The following PLXNA4 variants were observed in gnomAD, a reference collection of about 807,000 sequenced individuals.
PLXNA4 encodes plexin-A4.
Under a neutral mutation model 191.8 loss-of-function variants are expected in PLXNA4, and 44 were observed. That is an observed-to-expected ratio of 0.23 (90% CI 0.18 to 0.29). The LOEUF (loss-of-function observed/expected upper bound fraction) is 0.29. Ranked by LOEUF, PLXNA4 falls within the 10% of genes least tolerant of loss-of-function variation. The probability of loss-of-function intolerance (pLI) is 1.00; values close to 1 mark genes in which losing one functional copy is unlikely to be tolerated. For synonymous variants in PLXNA4, 1,082 were observed against 1,009.5 expected, an observed-to-expected ratio of 1.07 and a Z score of -1.36; for missense variants, 1,800 against 2,488.8, an observed-to-expected ratio of 0.72 and a Z score of 5.89.
chr7:132,608,556 G>A (rs1802986929), intron 2 of PLXNA4, among the ~76,000 whole-genome samples: 2 of 152,198 alleles, frequency 1.3e-5, no homozygotes, highest in African/African-American at 2.4e-5. Flanking sequence ...AAAGTCATAA[G>A]GCATTCACCC....
chr7:132,546,770 C>G (rs1288724110), intron 1 of PLXNA4, among the ~76,000 whole-genome samples: 1 of 152,216 alleles, frequency 6.6e-6, no homozygotes, highest in African/African-American at 2.4e-5. Context: ...CATCCCCACC[C>G]TTGCTCCTAA....
At chr7:132,394,411 G>T (rs544471999) in intron 3 of PLXNA4, among the ~76,000 whole-genome samples, 3 of 152,316 alleles carry the variant, frequency 2.0e-5, no homozygotes, top group African/African-American at 7.2e-5. Context: ...TTAGGAACCT[G>T]GGTTCTAGTC....
rs372324459 is a variant in PLXNA4 at position 132,326,383 on chromosome 7, CT to C, written c.1372-28162del. Among the ~76,000 whole-genome samples, 218 of 152,324 alleles carry C rather than the reference CT, an allele frequency of 1.4e-3. 3 individuals carry two copies. The highest frequency in any genetic ancestry group is 5.1e-3 in the African/African-American group (213 of 41,576). ...AATGAACACACACATACACACCATCCTACTGTTCCTGGGTTTTGGTAGAATC... is the reference window on the plus strand; with the variant it reads ...AATGAACACACACATACACACCATCCACTGTTCCTGGGTTTTGGTAGAATC... On this transcript the variant is annotated intron_variant, in intron 3 of 31. Coordinates refer to ENST00000321063, the MANE Select transcript of PLXNA4 (RefSeq NM_020911.2).
At chr7:132,290,416 C>T (rs531175824) in intron 4 of PLXNA4, among the ~76,000 whole-genome samples, 2 of 152,360 alleles carry the variant, frequency 1.3e-5, no homozygotes, top group East Asian at 3.9e-4. Context: ...CACCCAAGAA[C>T]AAGGATGGTC....
At chr7:132,262,848 C>T (rs1799701110) in intron 4 of PLXNA4, among the ~76,000 whole-genome samples, 1 of 152,066 alleles carries the variant, frequency 6.6e-6, no homozygotes, top group African/African-American at 2.4e-5. Flanking sequence ...CTAGAGACCA[C>T]TTGTCGTTCA....
chr7:132,267,789 C>CA (rs1395016153), intron 4 of PLXNA4, among the ~76,000 whole-genome samples: 9 of 152,064 alleles, frequency 5.9e-5, no homozygotes, highest in Non-Finnish European at 1.3e-4. Context: ...GAGTCCTCAC[C>CA]ATAATAAAGC....
chr7:132,513,973 G>A (rs1254908273), intron 1 of PLXNA4, among the ~76,000 whole-genome samples: 2 of 152,078 alleles, frequency 1.3e-5, no homozygotes, highest in East Asian at 3.9e-4. Flanking sequence ...ACTGTACCTG[G>A]CCAGGTACTC....
chr7:132,637,238 C>A (rs188441784), intron 2 of PLXNA4, among the ~76,000 whole-genome samples: 1 of 152,184 alleles, frequency 6.6e-6, no homozygotes, highest in Non-Finnish European at 1.5e-5. Flanking sequence ...ATCCTTCCCC[C>A]TTTCCGTGGC....
chr7:132,489,188 A>G (rs1178324860), intron 3 of PLXNA4, 104 bp downstream of exon 3: 1 of 1,226,564 alleles, frequency 8.2e-7, no homozygotes, highest in Non-Finnish European at 1.1e-6. Flanking sequence ...AATCTGTATC[A>G]CCTGCCCACA....
chr7:132,132,435 C>A (rs1794969479), intron 31 of PLXNA4, among the ~76,000 whole-genome samples: 2 of 76,022 alleles, frequency 2.6e-5, no homozygotes, highest in South Asian at 1.3e-3. Context: ...CTGTTCTGTT[C>A]TGTTCTGTTC....
At chr7:132,496,451 G>T (rs1489345510) in intron 2 of PLXNA4, among the ~76,000 whole-genome samples, 1 of 152,030 alleles carries the variant, frequency 6.6e-6, no homozygotes, top group Non-Finnish European at 1.5e-5. Context: ...TACCAGGGTG[G>T]AATGCAGTGG....
rs146908267 is a variant in PLXNA4, at chr7:132,606,597, C to T, written c.-87+39331G>A. ...AATCTGTGTTATGCTCAAATCATTC[C>T]CTAATCCATCAATTGCATTGGAACA... On this transcript the variant is annotated intron_variant, in intron 2 of 4. Coordinates refer to the PLXNA4 transcript ENST00000378539. 4.0e-4 allele frequency among the ~76,000 whole-genome samples: 61 copies of T among 152,280 alleles called. 1 individual carries two copies. The highest frequency in any genetic ancestry group is 1.4e-3 in the African/African-American group (57 of 41,544).
chr7:132,532,008 T>C (rs1352001127), intron 1 of PLXNA4, among the ~76,000 whole-genome samples: 2 of 152,228 alleles, frequency 1.3e-5, no homozygotes, highest in African/African-American at 2.4e-5. Flanking sequence ...GGGTTAGTTA[T>C]TGGCTGGGCC....
rs139613931 is a variant in PLXNA4 at position 132,369,292 on chromosome 7, G to A, written c.1372-71070C>T. On this transcript the variant is annotated intron_variant, in intron 3 of 31. Transcript: ENST00000321063. ...CCAGGTGCCAGAAACCTGCTAAGAC[G>A]TATCACCAGACCCCTTGCTGATATC... Among the ~76,000 whole-genome samples the A allele has an allele frequency of 3.0e-4, 45 of 152,260 alleles. No homozygotes were observed. The East Asian group carries it at 8.3e-3, about 28-fold the overall frequency.
At chr7:132,608,328 G>T (rs1802981822) in intron 2 of PLXNA4, among the ~76,000 whole-genome samples, 1 of 152,070 alleles carries the variant, frequency 6.6e-6, no homozygotes, top group Admixed American at 6.5e-5. Flanking sequence ...TGCAGTAAAA[G>T]GCAGAATGAA....
At chr7:132,468,732 A>G (rs1796803297) in intron 3 of PLXNA4, among the ~76,000 whole-genome samples, 1 of 146,790 alleles carries the variant, frequency 6.8e-6, no homozygotes, top group Admixed American at 6.7e-5. Context: ...CAATATGCAC[A>G]CGCACACACA....
rs73444867 is a variant in PLXNA4, at chr7:132,499,807, G to A, written c.1188+7699C>T. Reference sequence around the variant, plus strand: ...TGTGGGTCTGGGTAATGTTGCCTGCGTGTGGGATAAATCAGCCGAACAAAT... The same window carrying A: ...TGTGGGTCTGGGTAATGTTGCCTGCATGTGGGATAAATCAGCCGAACAAAT... On this transcript the variant is annotated intron_variant, in intron 2 of 31. Coordinates refer to ENST00000321063, the MANE Select transcript of PLXNA4 (RefSeq NM_020911.2). 2.7e-3 allele frequency among the ~76,000 whole-genome samples: 409 copies of A among 152,168 alleles called. 3 individuals carry two copies. The highest frequency in any genetic ancestry group is 8.9e-3 in the African/African-American group (369 of 41,516).
intron 1 of PLXNA4, among the ~76,000 whole-genome samples, chr7:132,553,123 C>G (rs554095351): frequency 2.0e-5 from 3 of 152,200 alleles, no homozygotes; most frequent in African/African-American, 4.8e-5. Context: ...ATGCCTAGCT[C>G]TGGCACGGCA....
intron 2 of PLXNA4, among the ~76,000 whole-genome samples, chr7:132,505,313 T>C (rs1449382141): frequency 1.3e-5 from 2 of 152,194 alleles, no homozygotes; most frequent in Non-Finnish European, 2.9e-5. Context: ...CTTTTTGTAT[T>C]GTGGCAGGAA....
Sources: gnomAD v4.1 joint callset for allele counts (sites outside exome capture counted in the v4.1 genomes callset) on GRCh38, gnomAD v4.1.1 for gene constraint, MANE v1.5 for transcripts, NCBI Gene and HGNC (gene_info 2026-07-23, HGNC 2026-07-21) for gene names.